COL22A1: variants seen among roughly 807,000 people sequenced by gnomAD.
COL22A1 encodes collagen alpha-1(XXII) chain.
COL22A1 carries 221 observed loss-of-function variants against 248.9 expected under a neutral mutation model. The ratio of observed to expected loss-of-function variants is 0.89; its 90% CI spans 0.80 to 0.99. COL22A1 has a LOEUF of 0.99. COL22A1 is among the 50% of genes least tolerant of loss of function. The pLI, the probability that COL22A1 is intolerant of heterozygous loss-of-function variation, is 0.00. For missense variants in COL22A1, 2,240 were observed against 2,179.0 expected (o/e 1.03, Z -0.56); for synonymous variants, 891 against 793.4 (o/e 1.12, Z -2.07).
intron 10 of COL22A1, among the ~76,000 whole-genome samples, chr8:138,806,588 T>C (rs139871800): frequency 6.6e-6 from 1 of 152,292 alleles, no homozygotes; most frequent in East Asian, 1.9e-4. Flanking sequence ...CATTTCACCA[T>C]TTCGGCTTTT....
At chr8:138,701,722 A>G (rs1436936795) in intron 31 of COL22A1, among the ~76,000 whole-genome samples, 1 of 152,248 alleles carries the variant, frequency 6.6e-6, no homozygotes, top group Non-Finnish European at 1.5e-5. Flanking sequence ...ATTGGAGGAC[A>G]CAGAAGTAAA....
In COL22A1 at chr8:138,615,994, C is replaced by A. The variant is rs368405736; in HGVS notation, c.3924+7G>T. 2 of 1,611,676 alleles carry A rather than the reference C, an allele frequency of 1.2e-6. No homozygotes were observed. Among genetic ancestry groups the A allele is most frequent in the Non-Finnish European group, 1.7e-6 (2 of 1,178,026 alleles). On this transcript the variant is annotated splice_region_variant and intron_variant, in intron 55 of 64. Coordinates refer to ENST00000303045, the MANE Select transcript of COL22A1 (RefSeq NM_152888.3). The stretch of plus-strand genomic sequence containing the variant: ...AGCCCAGCCAGGTCCCACAGGACCC[C>A]ACTTACATCTTTTCCTGGTAACCCT...
At chr8:138,663,222 C>T (rs1340708028) in intron 42 of COL22A1, among the ~76,000 whole-genome samples, 1 of 152,182 alleles carries the variant, frequency 6.6e-6, no homozygotes, top group Non-Finnish European at 1.5e-5. Context: ...GTTGCTGCTC[C>T]TAAGAATGAA....
Position 138,662,086 on chromosome 8 carries a change from G to A in COL22A1, c.3187-3C>T. On this transcript the variant is annotated splice_polypyrimidine_tract_variant and splice_region_variant and intron_variant, in intron 42 of 64. Coordinates refer to ENST00000303045, the MANE Select transcript of COL22A1 (RefSeq NM_152888.3). ...AATCCAGGTAAGCCTCGTGATCCCT[G>A]AAGAAAAAGAAAAGAAGACACTGAC... 1 of 1,611,320 alleles carries A rather than the reference G, an allele frequency of 6.2e-7. No homozygotes were observed. The highest frequency in any genetic ancestry group is 1.7e-4 in the Middle Eastern group (1 of 6,050).
chr8:138,739,283 C>T (rs1831372489), intron 22 of COL22A1, among the ~76,000 whole-genome samples: 1 of 152,224 alleles, frequency 6.6e-6, no homozygotes, highest in Admixed American at 6.5e-5. Flanking sequence ...CCCACCTCCA[C>T]CTTGAATCTG....
chr8:138,613,856 G>A lies in COL22A1; in HGVS notation c.3978+11C>T. 1 of 1,612,980 alleles carries A rather than the reference G, an allele frequency of 6.2e-7. No individual in the cohort carries two copies. Among genetic ancestry groups the A allele is most frequent in the Non-Finnish European group, 8.5e-7 (1 of 1,178,882 alleles). On this transcript the variant is annotated intron_variant, in intron 56 of 64. Coordinates refer to ENST00000303045, the MANE Select transcript of COL22A1 (RefSeq NM_152888.3). ...TAACATGAAGCACATTAGTCGCAAAGCAAAACTCACCGGTGGGCCCCTTGG... is the reference window on the plus strand; with the variant it reads ...TAACATGAAGCACATTAGTCGCAAAACAAAACTCACCGGTGGGCCCCTTGG...
chr8:138,758,981 TTGAAA>T (rs1833241045), intron 18 of COL22A1, among the ~76,000 whole-genome samples: 3 of 152,202 alleles, frequency 2.0e-5, no homozygotes, highest in Non-Finnish European at 2.9e-5. Context: ...TCTTTGTGAC[TTGAAA>T]TAAACTGCTT....
intron 46 of COL22A1, among the ~76,000 whole-genome samples, chr8:138,648,933 G>A (rs1239985687): frequency 6.6e-6 from 1 of 152,176 alleles, no homozygotes; most frequent in Non-Finnish European, 1.5e-5. Flanking sequence ...ATAAAAGAGT[G>A]AGATTTCTTC....
intron 45 of COL22A1, among the ~76,000 whole-genome samples, chr8:138,651,914 C>A (rs1231981498): frequency 6.6e-6 from 1 of 152,198 alleles, no homozygotes; most frequent in Non-Finnish European, 1.5e-5. Context: ...CTATTTCTTT[C>A]TAATTTCTGG....
intron 52 of COL22A1, among the ~76,000 whole-genome samples, chr8:138,622,888 G>A (rs1044252714): frequency 1.3e-5 from 2 of 151,882 alleles, no homozygotes; most frequent in African/African-American, 4.8e-5. Context: ...GAGAACCCAG[G>A]TCTCTAAACC....
chr8:138,763,619 A>G (rs376799204), intron 16 of COL22A1, among the ~76,000 whole-genome samples: 7 of 151,966 alleles, frequency 4.6e-5, no homozygotes, highest in African/African-American at 1.7e-4. Context: ...GACACTCCAA[A>G]TGGTGGGTTC....
intron 30 of COL22A1, among the ~76,000 whole-genome samples, chr8:138,706,171 C>A (rs1392311101): frequency 6.6e-6 from 1 of 152,120 alleles, no homozygotes; most frequent in African/African-American, 2.4e-5. Flanking sequence ...GACTTAGACT[C>A]CCACACAATA....
chr8:138,681,485 C>T (rs1027193382), intron 39 of COL22A1, among the ~76,000 whole-genome samples: 2 of 152,178 alleles, frequency 1.3e-5, no homozygotes, highest in South Asian at 2.1e-4. Flanking sequence ...CACTTTGCTG[C>T]TCCACCATTT....
chr8:138,776,299 C>T (rs1003060344), intron 15 of COL22A1, among the ~76,000 whole-genome samples: 5 of 152,160 alleles, frequency 3.3e-5, no homozygotes, highest in African/African-American at 4.8e-5. Flanking sequence ...GGACATAGCC[C>T]GGCTCCTGAA....
At chr8:138,867,013 C>A (rs1262105665) in intron 3 of COL22A1, among the ~76,000 whole-genome samples, 3 of 152,174 alleles carry the variant, frequency 2.0e-5, no homozygotes, top group Non-Finnish European at 4.4e-5. Flanking sequence ...GCAGCAACTC[C>A]AGATTCTCAG....
intron 1 of COL22A1, among the ~76,000 whole-genome samples, chr8:138,905,886 A>G (rs1461658962): frequency 1.3e-5 from 2 of 152,022 alleles, no homozygotes; most frequent in Non-Finnish European, 2.9e-5. Flanking sequence ...CTAACTCCTG[A>G]CATTGTCTGT....
intron 31 of COL22A1, 92 bp from the exon 32 acceptor site, chr8:138,700,236 A>G: frequency 1.7e-6 from 2 of 1,199,104 alleles, no homozygotes; most frequent in Non-Finnish European, 1.2e-6. Context: ...TTACAAGTGA[A>G]AGAATACAGC....
At position 138,844,104 on chromosome 8, in the gene COL22A1, C is replaced by G. The variant is rs1351983492; in HGVS notation, c.713G>C (p.Gly238Ala). Residue 238 changes from glycine to alanine, a missense_variant, in exon 4 of 65, where the codon GGA (glycine) becomes GCA (alanine). Physicochemically the swap from Gly to Ala is moderately conservative, Grantham distance 60 (BLOSUM62 0). Transcript: ENST00000303045. ...VEGDRFKHTNGGTKEITGFDL... is the reference protein window; with the variant it reads ...VEGDRFKHTNAGTKEITGFDL... ...CTTACCTGTGATTTCCTTGGTTCCT[C>G]CATTGGTGTGCTTAAAGCGATCTCC... The G allele has an allele frequency of 6.2e-7, 1 of 1,613,912 alleles. No individual in the cohort carries two copies. Among genetic ancestry groups the G allele is most frequent in the Admixed American group, 1.7e-5 (1 of 60,000 alleles).
intron 7 of COL22A1, among the ~76,000 whole-genome samples, chr8:138,818,082 G>T (rs1818821508): frequency 6.6e-6 from 1 of 152,172 alleles, no homozygotes; most frequent in Non-Finnish European, 1.5e-5. Context: ...TGGAACCAGG[G>T]TTAGAAGGAT....
Sources: gnomAD v4.1 joint callset for allele counts (sites outside exome capture counted in the v4.1 genomes callset) on GRCh38, gnomAD v4.1.1 for gene constraint, MANE v1.5 for transcripts, NCBI Gene and HGNC (gene_info 2026-07-23, HGNC 2026-07-21) for gene names.